SLC12A2: variants seen among roughly 807,000 people sequenced by gnomAD.
SLC12A2 encodes the protein solute carrier family 12 member 2.
In SLC12A2, 67 loss-of-function variants were observed where a neutral mutation model predicts 136.3. The ratio of observed to expected loss-of-function variants is 0.49; its 90% confidence interval spans 0.40 to 0.60. The LOEUF (loss-of-function observed/expected upper bound fraction) is 0.60. Among genes scored for constraint, SLC12A2 ranks in the 20% least tolerant of loss-of-function variants. The pLI, the probability that SLC12A2 is intolerant of heterozygous loss-of-function variation, is 0.00. For missense variants in SLC12A2, 1,322 were observed against 1,534.7 expected (o/e 0.86, Z 2.32); for synonymous variants, 619 against 562.9 (o/e 1.10, Z -1.41).
chr5:128,115,884 T>C (rs1761327472), intron 4 of SLC12A2, among the ~76,000 whole-genome samples: 1 of 152,212 alleles, frequency 6.6e-6, no homozygotes, highest in Non-Finnish European at 1.5e-5. Context: ...TCCAAATCAC[T>C]GTGACCCTTG....
At chr5:128,096,459 G>A (rs987481034) in intron 1 of SLC12A2, among the ~76,000 whole-genome samples, 3 of 151,964 alleles carry the variant, frequency 2.0e-5, no homozygotes, top group Non-Finnish European at 4.4e-5. Flanking sequence ...AGAAACTAAT[G>A]TTATGGCAAA....
At chr5:128,179,830 A>ACTATTCCAG (rs911916836) in intron 22 of SLC12A2, among the ~76,000 whole-genome samples, 3 of 151,776 alleles carry the variant, frequency 2.0e-5, no homozygotes, top group Non-Finnish European at 4.4e-5. Flanking sequence ...TGATATCCGA[A>ACTATTCCAG]CTATTCCAGG....
chr5:128,083,940 G>C lies in SLC12A2; in HGVS notation c.-15G>C. The C allele has an allele frequency of 8.1e-7, 1 of 1,228,148 alleles. No homozygotes were observed. The allele number at this position is 1,228,148 out of a possible 1,614,324, so 76.1% of individuals were successfully genotyped here. On this transcript the variant is annotated 5_prime_UTR_variant, in exon 1 of 27. Coordinates refer to ENST00000262461, the MANE Select transcript of SLC12A2 (RefSeq NM_001046.3). ...GTCCGCCGGGCTCTGCAGTTCCGCC[G>C]GGGGTCGGGCAGCTATGGAGCCGCG...
intron 4 of SLC12A2, among the ~76,000 whole-genome samples, chr5:128,126,964 A>ATT (rs1433767277): frequency 0.015 from 333 of 21,660 alleles, 12 homozygotes; most frequent in Non-Finnish European, 0.018. Context: ...ATATATATAT[A>ATT]TATTTTTTTT....
chr5:128,095,493 C>G (rs1760497907), intron 1 of SLC12A2, among the ~76,000 whole-genome samples: 1 of 152,030 alleles, frequency 6.6e-6, no homozygotes, highest in Non-Finnish European at 1.5e-5. Context: ...GGAAAAATGG[C>G]TGTTTCCCAT....
intron 6 of SLC12A2, among the ~76,000 whole-genome samples, chr5:128,135,475 T>C (rs1423633823): frequency 6.6e-6 from 1 of 152,058 alleles, no homozygotes; most frequent in Non-Finnish European, 1.5e-5. Flanking sequence ...ATGATCTCAC[T>C]TTTACTATCT....
At chr5:128,155,359 G>T (rs1043977976) in intron 15 of SLC12A2, among the ~76,000 whole-genome samples, 1 of 152,054 alleles carries the variant, frequency 6.6e-6, no homozygotes, top group African/African-American at 2.4e-5. Context: ...ATCTACGTAT[G>T]CCTACCACAT....
chr5:128,114,781 T>C (rs1216437508), intron 4 of SLC12A2, 100 bp downstream of exon 4: 1 of 737,638 alleles, frequency 1.4e-6, no homozygotes, highest in Non-Finnish European at 2.3e-6. Context: ...TGAAGCAACA[T>C]ATTAAGTCTA....
Position 128,083,849 on chromosome 5 carries a change from C to T in SLC12A2, c.-106C>T, listed in dbSNP as rs1173601478. On this transcript the variant is annotated 5_prime_UTR_variant, in exon 1 of 27. Coordinates refer to ENST00000262461, the MANE Select transcript of SLC12A2 (RefSeq NM_001046.3). ...CCCGCAGGCGGCGGGGAGAAAGACT[C>T]TCTCACCTGGTCTTGCGGCTGTGGC... 8 of 848,308 alleles carry T rather than the reference C, an allele frequency of 9.4e-6. No homozygotes were observed. Among genetic ancestry groups the T allele is most frequent in the African/African-American group, 1.8e-5 (1 of 56,480 alleles). The allele number at this position is 848,308 out of a possible 1,614,324, so 52.5% of individuals were successfully genotyped here.
At chr5:128,113,297 A>G (rs1451565969) in intron 2 of SLC12A2, among the ~76,000 whole-genome samples, 1 of 152,228 alleles carries the variant, frequency 6.6e-6, no homozygotes, top group African/African-American at 2.4e-5. Flanking sequence ...TGAGCAGGGA[A>G]TAGAGCTGAA....
intron 1 of SLC12A2, among the ~76,000 whole-genome samples, chr5:128,096,500 A>G (rs1561653911): frequency 6.6e-6 from 1 of 152,104 alleles, no homozygotes; most frequent in Non-Finnish European, 1.5e-5. Flanking sequence ...TTTTTCTTTG[A>G]AAATTAAAAT....
At position 128,138,695 on chromosome 5, in the gene SLC12A2, G is replaced by C; in HGVS notation, c.1507G>C (p.Ala503Pro). The change falls in exon 8 of 27, where the codon GCT becomes CCT. Residue 503 changes from alanine to proline, a missense_variant. By Grantham distance (27) the Ala-to-Pro change is conservative. Around this residue, in one of 8 missense-constraint regions of SLC12A2, gnomAD observed 294 missense variants for 436.6 expected, o/e 0.67. Coordinates refer to ENST00000262461, the MANE Select transcript of SLC12A2 (RefSeq NM_001046.3). Reference protein sequence around the residue: ...IFFPAATGILAGANISGDLAD... With the variant: ...IFFPAATGILPGANISGDLAD... Reference sequence around the variant, plus strand: ...TTTTCCTGCTGCAACTGGTATTCTGGCTGGAGCAAATATCTCAGGTGATCT... The same window carrying C: ...TTTTCCTGCTGCAACTGGTATTCTGCCTGGAGCAAATATCTCAGGTGATCT... The C allele has an allele frequency of 6.2e-7, 1 of 1,613,640 alleles. No homozygotes were observed. The highest frequency in any genetic ancestry group is 8.5e-7 in the Non-Finnish European group (1 of 1,179,798).
At chr5:128,173,342 T>C (rs1455548384) in intron 19 of SLC12A2, among the ~76,000 whole-genome samples, 2 of 152,248 alleles carry the variant, frequency 1.3e-5, no homozygotes, top group African/African-American at 4.8e-5. Flanking sequence ...TTATACCTGT[T>C]AACTCAACAT....
intron 1 of SLC12A2, chr5:128,109,742 C>A: frequency 9.2e-7 from 1 of 1,090,530 alleles, no homozygotes; most frequent in Non-Finnish European, 1.4e-6. Flanking sequence ...AGTTGGAGTC[C>A]AGGTTTTAGA....
intron 2 of SLC12A2, 99 bp from the exon 3 acceptor site, chr5:128,114,113 G>A: frequency 1.2e-6 from 1 of 837,724 alleles, no homozygotes; most frequent in Non-Finnish European, 2.0e-6. Context: ...ATCTTCTGTA[G>A]TTTCAAATGC....
chr5:128,171,612 C>A (rs1156890478), intron 18 of SLC12A2, 55 bp from the exon 19 acceptor site: 3 of 1,172,296 alleles, frequency 2.6e-6, no homozygotes, highest in African/African-American at 1.7e-5. Context: ...GAGGATAACA[C>A]AAATTTTTGT....
At chr5:128,115,769 C>A (rs1761324473) in intron 4 of SLC12A2, among the ~76,000 whole-genome samples, 1 of 152,172 alleles carries the variant, frequency 6.6e-6, no homozygotes, top group African/African-American at 2.4e-5. Context: ...ACAATTTCCA[C>A]TTTACCTGCA....
chr5:128,114,902 A>G (rs1761290794), intron 4 of SLC12A2, among the ~76,000 whole-genome samples: 1 of 152,176 alleles, frequency 6.6e-6, no homozygotes, highest in Non-Finnish European at 1.5e-5. Context: ...GTCTCGTAGC[A>G]AGAATGGAGC....
intron 21 of SLC12A2, chr5:128,178,250 C>G (rs1334358099): frequency 6.0e-6 from 1 of 165,800 alleles, no homozygotes; most frequent in African/African-American, 2.4e-5. Flanking sequence ...AAAACAAAAT[C>G]TAGCAGCTCA....
Sources: gnomAD v4.1 joint callset for allele counts (sites outside exome capture counted in the v4.1 genomes callset) on GRCh38, gnomAD v4.1.1 for gene constraint, gnomAD v4.1.1 regional missense constraint, MANE v1.5 for transcripts, NCBI Gene and HGNC (gene_info 2026-07-23, HGNC 2026-07-21) for gene names.